The following BAHCC1 variants were observed in gnomAD, a reference collection of about 807,000 sequenced individuals.
BAHCC1 encodes the protein BAH domain and coiled-coil containing 1.
BAHCC1 carries 43 observed loss-of-function variants against 88.2 expected under a neutral mutation model. The observed-to-expected ratio is 0.49, with a 90% CI of 0.38 to 0.63. The LOEUF is 0.63. Ranked by LOEUF, BAHCC1 falls within the 20% of genes least tolerant of loss-of-function variation. The pLI is 0.00. For synonymous variants in BAHCC1, 1,510 were observed against 745.5 expected (o/e 2.03, Z -16.71); for missense variants, 3,023 against 1,654.8 (o/e 1.83, Z -14.34).
At chr17:81,452,884 T>C in intron 14 of BAHCC1, 33 bp downstream of exon 14, 1 of 710,476 alleles carries the variant, frequency 1.4e-6, no homozygotes, top group Non-Finnish European at 2.6e-6. Context: ...GCAGGGCGCG[T>C]GTGGCCGGCC....
chr17:81,437,515 G>C (rs1245130154), intron 3 of BAHCC1, among the ~76,000 whole-genome samples: 3 of 152,258 alleles, frequency 2.0e-5, no homozygotes, highest in Admixed American at 6.5e-5. Flanking sequence ...GCCATGCTCA[G>C]CCCTGTCCTG....
intron 17 of BAHCC1, 94 bp from the exon 18 acceptor site, chr17:81,458,071 C>T (rs2029891217): frequency 1.5e-6 from 1 of 673,428 alleles, no homozygotes; most frequent in Non-Finnish European, 2.7e-6. Context: ...GCAGGGGTTG[C>T]TAGGTAACCA....
In BAHCC1 at chr17:81,441,913, C is replaced by T. The variant is rs2064423676; in HGVS notation, c.564C>T (p.Ala188=). The change falls in exon 5 of 28, where the codon GCC becomes GCT. Residue 188 remains alanine (A), a synonymous_variant. Transcript: ENST00000675386. Reference sequence around the variant, plus strand: ...ACTTCCCCAGCGTGGCCCGGGCCGCCCCTGCCCACCCCATGGGCTCCTGCA... The same window carrying T: ...ACTTCCCCAGCGTGGCCCGGGCCGCTCCTGCCCACCCCATGGGCTCCTGCA... ...NHNFPSVARA[A]PAHPMGSCSR... The T allele has an allele frequency of 4.3e-6, 3 of 703,844 alleles. No individual in the cohort carries two copies. Among genetic ancestry groups the T allele is most frequent in the African/African-American group, 3.6e-5 (2 of 55,658 alleles). 43.6% of individuals were successfully genotyped at this position (703,844 alleles called of 1,614,324 possible). A position where few individuals can be genotyped will look rare whatever the true frequency, so the allele number is the denominator to read the frequency against.
Position 81,399,842 on chromosome 17 carries a change from C to T in BAHCC1, c.103C>T (p.Pro35Ser). ...CGCCGCGCGTCTCGCCCCGGCTGGG[C>T]CCGCCGCGCAGCCCCCCGCACACTT... The part of the protein sequence containing the change: ...AAAARLAPAG[P>S]AAQPPAHFQP... Residue 35 changes from proline to serine, a missense_variant, in exon 2 of 28, where the codon CCC (proline) becomes TCC (serine). Coordinates refer to ENST00000675386, the MANE Select transcript of BAHCC1 (RefSeq NM_001377448.1). The surrounding 1 kb of genome is among the most constrained non-coding windows in gnomAD (Gnocchi z 4.5). 3 of 1,366,418 alleles carry T rather than the reference C, an allele frequency of 2.2e-6. No individual in the cohort carries two copies. The highest frequency in any genetic ancestry group is 1.9e-6 in the Non-Finnish European group (2 of 1,058,576). The allele number at this position is 1,366,418 out of a possible 1,614,324, so 84.6% of individuals were successfully genotyped here.
chr17:81,449,068 C>G (rs1312457135), intron 11 of BAHCC1, among the ~76,000 whole-genome samples: 1 of 152,206 alleles, frequency 6.6e-6, no homozygotes, highest in Non-Finnish European at 1.5e-5. Flanking sequence ...AGTGGCCGGT[C>G]TGCCTGTGTG....
intron 4 of BAHCC1, among the ~76,000 whole-genome samples, chr17:81,439,457 A>G (rs1250983405): frequency 6.6e-6 from 1 of 151,634 alleles, no homozygotes; most frequent in Non-Finnish European, 1.5e-5. Context: ...CCTGGGGAGC[A>G]GCAGTTGGAC....
Position 81,452,735 on chromosome 17 carries a change from T to C in BAHCC1, c.4329T>C (p.Ser1443=), listed in dbSNP as rs2143592668. The C allele has an allele frequency of 2.7e-6, 2 of 748,430 alleles. No homozygotes were observed. Among genetic ancestry groups the C allele is most frequent in the Non-Finnish European group, 4.9e-6 (2 of 405,226 alleles). The allele number at this position is 748,430 out of a possible 1,614,324, so 46.4% of individuals were successfully genotyped here. A position where few individuals can be genotyped will look rare whatever the true frequency, so the allele number is the denominator to read the frequency against. The change falls in exon 14 of 28, where the codon AGT becomes AGC. Residue 1443 remains serine (S), a synonymous_variant. Transcript: ENST00000675386. The part of the protein sequence containing the change: ...QRKHDHERDE[S]SRSPARRGPG... ...CTGCGGCCCCCAGGAGAGACGAGAG[T>C]TCACGGAGCCCTGCACGGCGGGGGC...
chr17:81,397,845 T>C (rs1444320760), intron 1 of BAHCC1, among the ~76,000 whole-genome samples: 1 of 152,076 alleles, frequency 6.6e-6, no homozygotes, highest in Non-Finnish European at 1.5e-5. Flanking sequence ...GAGAACTCTT[T>C]GTGTAGACCC....
At chr17:81,438,976 C>T (rs1302358686) in intron 4 of BAHCC1, among the ~76,000 whole-genome samples, 1 of 152,138 alleles carries the variant, frequency 6.6e-6, no homozygotes, top group East Asian at 1.9e-4. Context: ...CAGCCCCCAG[C>T]CCCCCAGCCC....
chr17:81,444,029 A>G, intron 6 of BAHCC1, 112 bp downstream of exon 6: 1 of 651,126 alleles, frequency 1.5e-6, no homozygotes, highest in Non-Finnish European at 2.8e-6. Context: ...AGCAGATTCT[A>G]TGGCCGGCCG....
chr17:81,397,188 G>A (rs908136894), intron 1 of BAHCC1: 2 of 152,172 alleles, frequency 1.3e-5, no homozygotes, highest in Non-Finnish European at 2.9e-5. Context: ...CTCCAATCCG[G>A]TCAGAGCCGT....
chr17:81,406,986 C>T (rs1679531667), intron 2 of BAHCC1: 1 of 456,200 alleles, frequency 2.2e-6, no homozygotes, highest in Non-Finnish European at 4.4e-6. Context: ...GAGGGACAAA[C>T]AGGTGGGCTG....
intron 14 of BAHCC1, among the ~76,000 whole-genome samples, chr17:81,453,518 C>T (rs1274406659): frequency 6.6e-6 from 1 of 152,222 alleles, no homozygotes; most frequent in African/African-American, 2.4e-5. Context: ...TGTCACAAAA[C>T]ATTAGCAAAT....
Position 81,411,061 on chromosome 17 carries a change from G to T in BAHCC1, c.178+11144G>T, listed in dbSNP as rs2063943788. ...TGGGGCCCCCGTGCGCCTCCCCTCG[G>T]GCCTGAGGGGTCCCTCTCTCTGGGG... On this transcript the variant is annotated intron_variant, in intron 2 of 27. Transcript: ENST00000675386. This position sits in a 1 kb window ranked among gnomAD's most constrained non-coding sequence, Gnocchi z 6.2. 1 of 518,986 alleles carries T rather than the reference G, an allele frequency of 1.9e-6. No individual in the cohort carries two copies. The highest frequency in any genetic ancestry group is 3.9e-6 in the Non-Finnish European group (1 of 259,708). 32.1% of individuals were successfully genotyped at this position (518,986 alleles called of 1,614,324 possible).
At chr17:81,414,680 C>T (rs372391966) in intron 2 of BAHCC1, among the ~76,000 whole-genome samples, 20 of 152,172 alleles carry the variant, frequency 1.3e-4, no homozygotes, top group Non-Finnish European at 2.1e-4. Context: ...GAGCGCTGGC[C>T]GTCGGGAGGG....
At chr17:81,400,713 C>T (rs1362828768) in intron 2 of BAHCC1, 1 of 153,664 alleles carries the variant, frequency 6.5e-6, no homozygotes, top group Non-Finnish European at 1.5e-5. Flanking sequence ...CGTGCTGGGC[C>T]TCGCAGGGAC....
chr17:81,395,747 G>A (rs1257702388), intron 1 of BAHCC1, 112 bp downstream of exon 1: 3 of 149,710 alleles, frequency 2.0e-5, no homozygotes, highest in Non-Finnish European at 3.0e-5. Flanking sequence ...AGAAATTCAG[G>A]ATTGTGATGT....
intron 4 of BAHCC1, among the ~76,000 whole-genome samples, chr17:81,440,168 C>T (rs1456312758): frequency 2.0e-5 from 3 of 152,178 alleles, no homozygotes; most frequent in Admixed American, 6.5e-5. Context: ...AGGACAGCCC[C>T]GCAGGCCCCG....
At chr17:81,451,578 T>G (rs1441514165) in intron 11 of BAHCC1, 90 bp from the exon 12 acceptor site, 1 of 640,566 alleles carries the variant, frequency 1.6e-6, no homozygotes, top group Non-Finnish European at 2.8e-6. Flanking sequence ...CAAGGCTGGG[T>G]GGCTTCAGGG....
Sources: gnomAD v4.1 joint callset for allele counts (sites outside exome capture counted in the v4.1 genomes callset) on GRCh38, gnomAD v4.1.1 for gene constraint, Gnocchi (gnomAD v3.1) non-coding constraint, MANE v1.5 for transcripts, NCBI Gene and HGNC (gene_info 2026-07-23, HGNC 2026-07-21) for gene names.